The following PHACTR3 variants were observed in gnomAD, a reference collection of about 807,000 sequenced individuals.
PHACTR3 encodes protein phosphatase 1, regulatory subunit 123.
PHACTR3 carries 16 observed loss-of-function variants against 66.8 expected under a neutral mutation model. The observed-to-expected ratio is 0.24, with a 90% CI of 0.16 to 0.36. The LOEUF is 0.36. PHACTR3 is among the 10% of genes least tolerant of loss of function. The probability of loss-of-function intolerance (pLI) is 1.00; values close to 1 mark genes in which losing one functional copy is unlikely to be tolerated. For synonymous variants in PHACTR3, 323 were observed against 292.1 expected (o/e 1.11, Z -1.08); for missense variants, 647 against 719.9 (o/e 0.90, Z 1.16).
intron 1 of PHACTR3, among the ~76,000 whole-genome samples, chr20:59,663,819 G>A (rs1005737128): frequency 6.6e-6 from 1 of 152,208 alleles, no homozygotes; most frequent in Non-Finnish European, 1.5e-5. Flanking sequence ...TTGGGAACAA[G>A]GCTGTGGAAA....
chr20:59,596,847 A>G (rs958122752), intron 1 of PHACTR3, among the ~76,000 whole-genome samples: 2 of 152,228 alleles, frequency 1.3e-5, no homozygotes. Context: ...TGCAGGCACC[A>G]GTGAAAGGCC....
chr20:59,795,358 T>A, intron 7 of PHACTR3, among the ~76,000 whole-genome samples: 1 of 151,584 alleles, frequency 6.6e-6, no homozygotes, highest in South Asian at 2.1e-4. Flanking sequence ...ATACTTGATA[T>A]GATTTTTATC....
At chr20:59,697,731 A>T (rs1430093938) in intron 1 of PHACTR3, among the ~76,000 whole-genome samples, 1 of 152,224 alleles carries the variant, frequency 6.6e-6, no homozygotes, top group African/African-American at 2.4e-5. Context: ...TAAGAGATTG[A>T]CAAAAAAATT....
chr20:59,614,849 C>T (rs2033977058), intron 1 of PHACTR3, among the ~76,000 whole-genome samples: 1 of 152,148 alleles, frequency 6.6e-6, no homozygotes, highest in African/African-American at 2.4e-5. Flanking sequence ...TTCCCTTTGG[C>T]AGGAAGGCAT....
chr20:59,765,725 C>A (rs1167412097), intron 4 of PHACTR3, among the ~76,000 whole-genome samples: 1 of 152,182 alleles, frequency 6.6e-6, no homozygotes, highest in African/African-American at 2.4e-5. Flanking sequence ...AACACCCCCT[C>A]CCTGACCACT....
chr20:59,592,740 T>C (rs1436004430), intron 1 of PHACTR3, among the ~76,000 whole-genome samples: 1 of 152,232 alleles, frequency 6.6e-6, no homozygotes, highest in Admixed American at 6.5e-5. Context: ...AGAGTTGGAA[T>C]CACACAGTGT....
intron 1 of PHACTR3, among the ~76,000 whole-genome samples, chr20:59,690,655 T>A (rs2037076881): frequency 6.6e-6 from 1 of 152,188 alleles, no homozygotes; most frequent in African/African-American, 2.4e-5. Flanking sequence ...CTCCTCTTTC[T>A]GCTAGTAAAT....
chr20:59,721,225 C>T (rs1260743989), intron 1 of PHACTR3: 1 of 152,268 alleles, frequency 6.6e-6, no homozygotes, highest in Non-Finnish European at 1.5e-5. Context: ...AAACCCAGTC[C>T]ATTCTGGCTC....
chr20:59,840,092 C>G (rs2094864088), intron 9 of PHACTR3, among the ~76,000 whole-genome samples: 1 of 152,152 alleles, frequency 6.6e-6, no homozygotes, highest in South Asian at 2.1e-4. Context: ...AAACAAACAG[C>G]AGCCATATCT....
At chr20:59,755,070 T>G in intron 3 of PHACTR3, 112 bp from the exon 4 acceptor site, 1 of 1,068,002 alleles carries the variant, frequency 9.4e-7, no homozygotes, top group South Asian at 1.6e-5. Context: ...GGGAGAGGGG[T>G]GGGGGACCAC....
At chr20:59,696,684 A>G (rs558372159) in intron 1 of PHACTR3, among the ~76,000 whole-genome samples, 1 of 152,278 alleles carries the variant, frequency 6.6e-6, no homozygotes, top group East Asian at 1.9e-4. Flanking sequence ...GGCTCTGTCC[A>G]CACCAGGCTC....
At chr20:59,815,527 C>T (rs1340056967) in intron 8 of PHACTR3, among the ~76,000 whole-genome samples, 3 of 148,850 alleles carry the variant, frequency 2.0e-5, no homozygotes, top group Non-Finnish European at 3.0e-5. Context: ...TGGGTTCAAG[C>T]GATTCTCCTG....
chr20:59,697,225 G>A (rs1457134724), intron 1 of PHACTR3, among the ~76,000 whole-genome samples: 1 of 152,182 alleles, frequency 6.6e-6, no homozygotes, highest in African/African-American at 2.4e-5. Flanking sequence ...CCCAGAGCCT[G>A]TTGACAAACA....
Position 59,774,349 on chromosome 20 carries a change from T to C in PHACTR3, c.1033T>C (p.Phe345Leu), listed in dbSNP as rs2040454150. 1.9e-6 allele frequency: 3 copies of C among 1,613,974 alleles called. No individual in the cohort carries two copies. Among genetic ancestry groups the C allele is most frequent in the Non-Finnish European group, 2.5e-6 (3 of 1,180,022 alleles). ...CAAGGAGAGGGAGGAGGCTTGGAGC[T>C]TTGACGGGGCATTGGAGAACAAGCG... ...RGKEREEAWS[F>L]DGALENKRTA... The change falls in exon 7 of 13, where the codon TTT becomes CTT. Residue 345 changes from phenylalanine to leucine, a missense_variant. By Grantham distance (22) the Phe-to-Leu change is conservative. This residue lies in a region of PHACTR3 where 577 missense variants were observed against 571.1 expected (regional missense o/e 1.01). Transcript: ENST00000371015.
intron 1 of PHACTR3, among the ~76,000 whole-genome samples, chr20:59,621,495 CTCTT>C (rs778229131): frequency 3.3e-5 from 5 of 152,248 alleles, no homozygotes; most frequent in Non-Finnish European, 7.3e-5. Flanking sequence ...CCCCGTTTCT[CTCTT>C]TCTTCTGGGG....
chr20:59,794,901 CTG>C (rs1379880753), intron 7 of PHACTR3, among the ~76,000 whole-genome samples: 2 of 152,004 alleles, frequency 1.3e-5, no homozygotes, highest in Non-Finnish European at 2.9e-5. Flanking sequence ...TTTTTCATCT[CTG>C]ATTTTCCTTC....
chr20:59,649,497 A>G (rs577170102), intron 1 of PHACTR3, among the ~76,000 whole-genome samples: 4 of 152,256 alleles, frequency 2.6e-5, no homozygotes, highest in South Asian at 2.1e-4. Context: ...TACTAGGTGG[A>G]TTTTGTGGTA....
At chr20:59,752,358 T>A (rs1451976632) in intron 3 of PHACTR3, among the ~76,000 whole-genome samples, 2 of 152,184 alleles carry the variant, frequency 1.3e-5, no homozygotes, top group African/African-American at 2.4e-5. Context: ...CGCGCTCCCC[T>A]CTGCAGCCCT....
At chr20:59,668,223 C>T (rs963194411) in intron 1 of PHACTR3, among the ~76,000 whole-genome samples, 1 of 151,652 alleles carries the variant, frequency 6.6e-6, no homozygotes, top group East Asian at 1.9e-4. Flanking sequence ...GACATGTATG[C>T]CTGTACATGG....
Sources: gnomAD v4.1 joint callset for allele counts (sites outside exome capture counted in the v4.1 genomes callset) on GRCh38, gnomAD v4.1.1 for gene constraint, gnomAD v4.1.1 regional missense constraint, MANE v1.5 for transcripts, NCBI Gene and HGNC (gene_info 2026-07-23, HGNC 2026-07-21) for gene names.